Variants in MAGI3 observed in about 807,000 individuals in gnomAD.
MAGI3 encodes the protein membrane associated guanylate kinase, WW and PDZ domain containing 3, also known as membrane-associated guanylate kinase, WW and PDZ domain-containing protein 3.
In MAGI3, 43 loss-of-function variants were observed where a neutral mutation model predicts 121.8. The observed-to-expected ratio is 0.35, with a 90% confidence interval of 0.28 to 0.46. The LOEUF is 0.46. Ranked by LOEUF, MAGI3 falls within the 20% of genes least tolerant of loss-of-function variation. The pLI, the probability that MAGI3 is intolerant of heterozygous loss-of-function variation, is 1.00. For synonymous variants in MAGI3, 553 were observed against 639.3 expected (o/e 0.86, Z 2.04); for missense variants, 1,547 against 1,797.3 (o/e 0.86, Z 2.52).
In MAGI3 at chr1:113,614,203, A is replaced by G. The variant is rs565817024; in HGVS notation, c.1019-398A>G. On this transcript the variant is annotated intron_variant, in intron 6 of 20. Coordinates refer to ENST00000307546, the MANE Select transcript of MAGI3 (RefSeq NM_001142782.2). ...TTTGAGGAGAAGTGGGTCTGAACAT[A>G]ACATCAAAAATGACTATGTATAATA... Among the ~76,000 whole-genome samples, 4 of 152,294 alleles carry G rather than the reference A, an allele frequency of 2.6e-5. No individual in the cohort carries two copies. The East Asian group carries it at 7.7e-4, about 29-fold the overall frequency.
chr1:113,420,705 C>T (rs770423276), intron 1 of MAGI3, among the ~76,000 whole-genome samples: 8 of 152,112 alleles, frequency 5.3e-5, no homozygotes, highest in Non-Finnish European at 1.0e-4. Context: ...ACATAGCGTC[C>T]GTTCATCTGT....
In MAGI3 at chr1:113,560,412, A is replaced by AC. The variant is rs561816966; in HGVS notation, c.433+10783dup. ...AAAAAAACAAAAACAAACAAAAAAA[A>AC]CCAAAAAAACAATAAAACAAAAAAA... is the stretch of plus-strand genomic sequence containing the variant. On this transcript the variant is annotated intron_variant, in intron 2 of 20. Transcript: ENST00000307546. Among the ~76,000 whole-genome samples, 228 of 132,854 alleles carry AC rather than the reference A, an allele frequency of 1.7e-3. 1 individual carries two copies. Among genetic ancestry groups the AC allele is most frequent in the African/African-American group, 6.0e-3 (215 of 36,024 alleles). 87.2% of individuals were successfully genotyped at this position (132,854 alleles called of 152,430 possible).
At chr1:113,411,948 A>G (rs113591978) in intron 1 of MAGI3, among the ~76,000 whole-genome samples, 26 of 152,166 alleles carry the variant, frequency 1.7e-4, no homozygotes, top group African/African-American at 5.8e-4. Context: ...ATAGGTATAA[A>G]TGTGCCATGT....
intron 2 of MAGI3, among the ~76,000 whole-genome samples, chr1:113,569,677 A>G (rs1660578059): frequency 6.6e-6 from 1 of 152,170 alleles, no homozygotes; most frequent in Non-Finnish European, 1.5e-5. Flanking sequence ...TACTTCATCA[A>G]TACTAAGACA....
chr1:113,679,279 G>T (rs1465853839), intron 19 of MAGI3, among the ~76,000 whole-genome samples: 3 of 151,876 alleles, frequency 2.0e-5, no homozygotes, highest in African/African-American at 4.8e-5. Context: ...TTGTATTCCC[G>T]TGTCTGTTGT....
intron 1 of MAGI3, among the ~76,000 whole-genome samples, chr1:113,428,779 A>G (rs975947140): frequency 1.3e-5 from 2 of 152,224 alleles, no homozygotes; most frequent in African/African-American, 2.4e-5. Context: ...AATTTTCACC[A>G]GAAATACTTG....
At chr1:113,623,522 C>T (rs1651006766) in intron 9 of MAGI3, among the ~76,000 whole-genome samples, 1 of 135,170 alleles carries the variant, frequency 7.4e-6, no homozygotes, top group Non-Finnish European at 1.6e-5. Flanking sequence ...GAGTCTTGCT[C>T]TGTCGCCCAG....
At chr1:113,662,270 A>C (rs759695137) in intron 16 of MAGI3, among the ~76,000 whole-genome samples, 38 of 152,286 alleles carry the variant, frequency 2.5e-4, no homozygotes, top group Non-Finnish European at 4.7e-4. Flanking sequence ...TGGTAAGGCA[A>C]GTGTCATATT....
intron 8 of MAGI3, among the ~76,000 whole-genome samples, chr1:113,621,347 T>C (rs1055486935): frequency 6.6e-6 from 1 of 151,996 alleles, no homozygotes; most frequent in Non-Finnish European, 1.5e-5. Flanking sequence ...GTCAAGGAAG[T>C]TGAAGATTGA....
chr1:113,672,606 C>T lies in MAGI3; in HGVS notation c.2919-9C>T, dbSNP rs370685945. The T allele has an allele frequency of 6.2e-7, 1 of 1,609,414 alleles. No individual in the cohort carries two copies. The highest frequency in any genetic ancestry group is 8.5e-7 in the Non-Finnish European group (1 of 1,178,356). On this transcript the variant is annotated splice_polypyrimidine_tract_variant and intron_variant, in intron 17 of 20. Coordinates refer to ENST00000307546, the MANE Select transcript of MAGI3 (RefSeq NM_001142782.2). Reference sequence around the variant, plus strand: ...GTTCAGAGAGTGACTTGATTTCTCTCTCTTGTAGAAGTGCCCTAGAAGGTG... The same window carrying T: ...GTTCAGAGAGTGACTTGATTTCTCTTTCTTGTAGAAGTGCCCTAGAAGGTG...
At chr1:113,636,779 T>C (rs1284483436) in intron 9 of MAGI3, among the ~76,000 whole-genome samples, 1 of 151,796 alleles carries the variant, frequency 6.6e-6, no homozygotes, top group Non-Finnish European at 1.5e-5. Flanking sequence ...TTCCTGGATA[T>C]CCTTGTTGAC....
At chr1:113,521,874 T>G (rs1658217328) in intron 1 of MAGI3, among the ~76,000 whole-genome samples, 1 of 152,228 alleles carries the variant, frequency 6.6e-6, no homozygotes, top group Admixed American at 6.5e-5. Context: ...TTAGTCAGTT[T>G]TGCTTTCTTT....
chr1:113,413,212 C>G (rs544591253), intron 1 of MAGI3, among the ~76,000 whole-genome samples: 1 of 152,108 alleles, frequency 6.6e-6, no homozygotes, highest in South Asian at 2.1e-4. Context: ...ATTTCTGAGG[C>G]CTCTGTTCTG....
At chr1:113,574,729 G>T (rs1326435978) in intron 2 of MAGI3, among the ~76,000 whole-genome samples, 1 of 152,130 alleles carries the variant, frequency 6.6e-6, no homozygotes. Flanking sequence ...TTGAAAGTTG[G>T]CCTCTCTTGC....
intron 1 of MAGI3, among the ~76,000 whole-genome samples, chr1:113,435,236 G>A (rs1052580326): frequency 6.6e-6 from 1 of 152,074 alleles, no homozygotes; most frequent in Non-Finnish European, 1.5e-5. Flanking sequence ...CACTTAATAA[G>A]CGTTCGTTTG....
chr1:113,551,663 A>G (rs924376322), intron 2 of MAGI3, among the ~76,000 whole-genome samples: 1 of 152,168 alleles, frequency 6.6e-6, no homozygotes, highest in Non-Finnish European at 1.5e-5. Flanking sequence ...TCTAGACTTT[A>G]CTCAGTAGCC....
At chr1:113,572,009 A>G (rs1168973674) in intron 2 of MAGI3, among the ~76,000 whole-genome samples, 2 of 152,200 alleles carry the variant, frequency 1.3e-5, no homozygotes, top group Non-Finnish European at 2.9e-5. Flanking sequence ...TTGTCCATTC[A>G]GTATGATATT....
At chr1:113,556,071 G>A (rs1659978715) in intron 2 of MAGI3, among the ~76,000 whole-genome samples, 1 of 152,078 alleles carries the variant, frequency 6.6e-6, no homozygotes, top group Admixed American at 6.5e-5. Context: ...TGTAGCTAGA[G>A]TAGTATTTAA....
chr1:113,484,496 G>A (rs182472521), intron 1 of MAGI3, among the ~76,000 whole-genome samples: 100 of 152,118 alleles, frequency 6.6e-4, no homozygotes, highest in African/African-American at 2.2e-3. Context: ...GAGAACATAC[G>A]ATGTTTCGTT....
Sources: gnomAD v4.1 joint callset for allele counts (sites outside exome capture counted in the v4.1 genomes callset) on GRCh38, gnomAD v4.1.1 for gene constraint, MANE v1.5 for transcripts, NCBI Gene and HGNC (gene_info 2026-07-23, HGNC 2026-07-21) for gene names.